The following DPP8 variants were observed in gnomAD, a reference collection of about 807,000 sequenced individuals.
DPP8 encodes the protein DPP VIII.
In DPP8, 31 loss-of-function variants were observed where a neutral mutation model predicts 107.5. The observed-to-expected ratio is 0.29, with a 90% CI of 0.22 to 0.39. The LOEUF is 0.39. DPP8 is among the 10% of genes least tolerant of loss of function. DPP8 has a pLI of 1.00. For missense variants in DPP8, 842 were observed against 1,076.1 expected (o/e 0.78, Z 3.04); for synonymous variants, 381 against 356.6 (o/e 1.07, Z -0.77).
In DPP8 at chr15:65,498,090, C is replaced by G. The variant is rs547155255; in HGVS notation, c.547-58G>C. The G allele has an allele frequency of 5.5e-6, 7 of 1,265,186 alleles. No homozygotes were observed. In the East Asian group the frequency reaches 1.8e-4, roughly 32 times the overall value. The allele number at this position is 1,265,186 out of a possible 1,614,324, so 78.4% of individuals were successfully genotyped here. A position where few individuals can be genotyped will look rare whatever the true frequency, so the allele number is the denominator to read the frequency against. On this transcript the variant is annotated intron_variant, in intron 4 of 19. Coordinates refer to ENST00000300141, the MANE Select transcript of DPP8 (RefSeq NM_130434.5). Reference sequence around the variant, plus strand: ...TTAGGCTGACACATACATGTTCCAGCACCCTTCCTATAAGATGAACAATAT... The same window carrying G: ...TTAGGCTGACACATACATGTTCCAGGACCCTTCCTATAAGATGAACAATAT...
At chr15:65,505,707 T>C (rs1308507971) in intron 3 of DPP8, among the ~76,000 whole-genome samples, 2 of 151,982 alleles carry the variant, frequency 1.3e-5, no homozygotes, top group East Asian at 1.9e-4. Flanking sequence ...TCCCAGCACG[T>C]TGGGAAGCTG....
chr15:65,468,055 T>G (rs2065514113), intron 12 of DPP8, among the ~76,000 whole-genome samples: 1 of 152,202 alleles, frequency 6.6e-6, no homozygotes, highest in Non-Finnish European at 1.5e-5. Flanking sequence ...TAAGATCTTT[T>G]AAGTCTTCAT....
rs566126106 is a variant in DPP8, at chr15:65,499,589, G to C, written c.546+1017C>G. On this transcript the variant is annotated intron_variant, in intron 4 of 19. Coordinates refer to ENST00000300141, the MANE Select transcript of DPP8 (RefSeq NM_130434.5). ...AATTTGTATGTTTTTTTTTAAGACA[G>C]GGACTTGCTCTGTCATCCACGCTAA... Among the ~76,000 whole-genome samples, 25 of 151,800 alleles carry C rather than the reference G, an allele frequency of 1.6e-4. No individual in the cohort carries two copies. In the South Asian group the frequency reaches 3.3e-3, roughly 20 times the overall value.
At chr15:65,478,140 T>G (rs895826035) in intron 11 of DPP8, among the ~76,000 whole-genome samples, 1 of 152,220 alleles carries the variant, frequency 6.6e-6, no homozygotes, top group African/African-American at 2.4e-5. Flanking sequence ...TTGGGCAACA[T>G]AATTATATCA....
intron 2 of DPP8, among the ~76,000 whole-genome samples, chr15:65,508,391 T>A (rs746417641): frequency 2.4e-4 from 37 of 152,174 alleles, no homozygotes; most frequent in Non-Finnish European, 3.7e-4. Context: ...GAAAAAGGTC[T>A]AAATTAAGTA....
In DPP8 at chr15:65,485,174, C is replaced by T; in HGVS notation, c.956-14G>A. On this transcript the variant is annotated splice_polypyrimidine_tract_variant and intron_variant, in intron 7 of 19. Transcript: ENST00000300141. ...GATTTGCTGTACCTTTAGAAAGAGA[C>T]ATAAATGATAGTAATGTTTATCCAA... The T allele has an allele frequency of 6.4e-7, 1 of 1,566,568 alleles. No individual in the cohort carries two copies. Among genetic ancestry groups the T allele is most frequent in the Non-Finnish European group, 8.8e-7 (1 of 1,137,270 alleles).
At chr15:65,481,865 TAACAG>T (rs1028126396) in intron 8 of DPP8, among the ~76,000 whole-genome samples, 2 of 152,220 alleles carry the variant, frequency 1.3e-5, no homozygotes, top group Admixed American at 1.3e-4. Flanking sequence ...GAGTTGATAC[TAACAG>T]AACACTTGAT....
At chr15:65,448,597 G>C (rs1345961784) in intron 19 of DPP8, among the ~76,000 whole-genome samples, 1 of 147,194 alleles carries the variant, frequency 6.8e-6, no homozygotes, top group Admixed American at 6.9e-5. Flanking sequence ...GCGTGAACCC[G>C]GGAGGCGGAG....
chr15:65,475,336 C>T lies in DPP8; in HGVS notation c.1457-1048G>A, dbSNP rs2066284683. On this transcript the variant is annotated intron_variant, in intron 11 of 19. Transcript: ENST00000300141. ...AGTTGGGTCAGCTGCTGCCCCGAGC[C>T]AGCTTTATCTTCTGAGTGTGGGCTT... 9 of 1,183,016 alleles carry T rather than the reference C, an allele frequency of 7.6e-6. No homozygotes were observed. The South Asian group carries it at 1.1e-4, about 14-fold the overall frequency. 73.3% of individuals were successfully genotyped at this position (1,183,016 alleles called of 1,614,324 possible).
chr15:65,474,525 G>A (rs2066208870), intron 11 of DPP8, among the ~76,000 whole-genome samples: 1 of 152,078 alleles, frequency 6.6e-6, no homozygotes, highest in African/African-American at 2.4e-5. Context: ...CTGTTGCTGA[G>A]GCTGGAGTGC....
intron 3 of DPP8, among the ~76,000 whole-genome samples, 157 bp from the exon 4 acceptor site, chr15:65,500,936 G>A (rs910929325): frequency 1.4e-5 from 2 of 143,682 alleles, no homozygotes; most frequent in Non-Finnish European, 3.0e-5. Flanking sequence ...GGAGTGCAGT[G>A]GAGCGATCTT....
intron 5 of DPP8, among the ~76,000 whole-genome samples, chr15:65,495,421 T>C (rs933839003): frequency 6.6e-6 from 1 of 151,776 alleles, no homozygotes; most frequent in Non-Finnish European, 1.5e-5. Context: ...CTGGTCAACA[T>C]GGTGAAACCC....
At chr15:65,509,613 G>A (rs1851297456) in intron 2 of DPP8, among the ~76,000 whole-genome samples, 1 of 152,174 alleles carries the variant, frequency 6.6e-6, no homozygotes, top group African/African-American at 2.4e-5. Flanking sequence ...AATTAAGCAT[G>A]TGATGAAGTA....
intron 17 of DPP8, 31 bp from the exon 18 acceptor site, chr15:65,452,133 G>A (rs1833914235): frequency 1.3e-6 from 2 of 1,583,528 alleles, no homozygotes; most frequent in Non-Finnish European, 1.7e-6. Flanking sequence ...AGTCAAGTGT[G>A]GTCTGGAAAA....
chr15:65,478,265 CTTT>C (rs959437879), intron 11 of DPP8, among the ~76,000 whole-genome samples: 4 of 152,022 alleles, frequency 2.6e-5, no homozygotes, highest in African/African-American at 9.7e-5. Context: ...ATAGTGTTGT[CTTT>C]TTTTCTGTTG....
rs1482770296 is a variant in DPP8 at position 65,507,224 on chromosome 15, TAAC to T, written c.372+16_372+18del. 5.6e-6 allele frequency: 8 copies of T among 1,438,198 alleles called. No individual in the cohort carries two copies. In the East Asian group the frequency reaches 1.6e-4, roughly 29 times the overall value. 89.1% of individuals were successfully genotyped at this position (1,438,198 alleles called of 1,614,324 possible). A position where few individuals can be genotyped will look rare whatever the true frequency, so the allele number is the denominator to read the frequency against. ...GAATACATACACCAAATCATAGGAATAACAACATTTAATCCTACCTGAAAAAGA... is the reference window on the plus strand; with the variant it reads ...GAATACATACACCAAATCATAGGAATAACATTTAATCCTACCTGAAAAAGA... On this transcript the variant is annotated intron_variant, in intron 3 of 19. Coordinates refer to ENST00000300141, the MANE Select transcript of DPP8 (RefSeq NM_130434.5).
intron 2 of DPP8, among the ~76,000 whole-genome samples, chr15:65,510,866 G>A (rs1244360385): frequency 6.6e-6 from 1 of 152,102 alleles, no homozygotes; most frequent in African/African-American, 2.4e-5. Flanking sequence ...CATGTGAAAT[G>A]ATGCTCAACC....
intron 15 of DPP8, among the ~76,000 whole-genome samples, chr15:65,462,829 T>C (rs2065034670): frequency 6.6e-6 from 1 of 152,136 alleles, no homozygotes; most frequent in Non-Finnish European, 1.5e-5. Context: ...TCTGCCCACC[T>C]CGGCCTCCCA....
rs200476778 is a variant in DPP8 at position 65,514,023 on chromosome 15, TTAATA to T, written c.-11-1464_-11-1460del. On this transcript the variant is annotated intron_variant, in intron 1 of 19. Coordinates refer to ENST00000300141, the MANE Select transcript of DPP8 (RefSeq NM_130434.5). ...TAATAATAAATACAAGGCTGTACAT[TTAATA>T]TATCTTTTTTAAAGCCCAAATTTGA... Among the ~76,000 whole-genome samples the T allele has an allele frequency of 2.6e-4, 39 of 152,300 alleles. No individual in the cohort carries two copies. The East Asian group carries it at 7.1e-3, about 28-fold the overall frequency.
Sources: allele counts gnomAD v4.1 joint callset (sites outside exome capture counted in the v4.1 genomes callset), GRCh38; gene constraint gnomAD v4.1.1; transcripts MANE v1.5; gene names NCBI Gene and HGNC (gene_info 2026-07-23, HGNC 2026-07-21).